ARMH3: variants seen among roughly 807,000 people sequenced by gnomAD.
The protein encoded by ARMH3 is armadillo like helical domain containing 3, also known as armadillo-like helical domain-containing protein 3.
A neutral mutation model predicts 99.1 loss-of-function variants in ARMH3; 60 were observed. The ratio of observed to expected loss-of-function variants is 0.61; its 90% confidence interval spans 0.49 to 0.75. The LOEUF is 0.75. Ranked by LOEUF, ARMH3 falls within the 30% of genes least tolerant of loss-of-function variation. The probability of loss-of-function intolerance (pLI) is 0.00; values close to 1 mark genes in which losing one functional copy is unlikely to be tolerated. For synonymous variants in ARMH3, 285 were observed against 292.8 expected (o/e 0.97, Z 0.27); for missense variants, 679 against 843.1 (o/e 0.81, Z 2.41).
At chr10:101,892,095 T>C (rs1564726603) in intron 23 of ARMH3, among the ~76,000 whole-genome samples, 1 of 151,516 alleles carries the variant, frequency 6.6e-6, no homozygotes, top group Non-Finnish European at 1.5e-5. Flanking sequence ...CTGGGTGACA[T>C]AGTGAAACCC....
intron 23 of ARMH3, among the ~76,000 whole-genome samples, chr10:101,919,154 C>A (rs1843203130): frequency 6.6e-6 from 1 of 152,138 alleles, no homozygotes; most frequent in Admixed American, 6.5e-5. Flanking sequence ...GGGGAGGGGG[C>A]ATATCAACGC....
chr10:102,032,431 C>T (rs937436972), intron 4 of ARMH3, among the ~76,000 whole-genome samples: 2 of 152,146 alleles, frequency 1.3e-5, no homozygotes, highest in African/African-American at 2.4e-5. Context: ...GATGGAGTCT[C>T]GCTCTGTTGC....
intron 23 of ARMH3, among the ~76,000 whole-genome samples, chr10:101,919,854 T>C (rs1241222031): frequency 6.6e-6 from 1 of 152,190 alleles, no homozygotes; most frequent in African/African-American, 2.4e-5. Context: ...TGGCTTAACG[T>C]AGATTCTTAT....
intron 20 of ARMH3, among the ~76,000 whole-genome samples, chr10:101,967,506 AG>A (rs1277705875): frequency 6.6e-6 from 1 of 152,188 alleles, no homozygotes; most frequent in Non-Finnish European, 1.5e-5. Flanking sequence ...TGGGAGGCCA[AG>A]GTAGGTGGAT....
At chr10:101,947,830 AATAAATAG>A in intron 22 of ARMH3, among the ~76,000 whole-genome samples, 1 of 148,766 alleles carries the variant, frequency 6.7e-6, no homozygotes, top group South Asian at 2.1e-4. Flanking sequence ...TAAATAAATA[AATAAATAG>A]ACCCTATATA....
intron 23 of ARMH3, among the ~76,000 whole-genome samples, chr10:101,936,249 T>G (rs1178675313): frequency 1.3e-5 from 2 of 151,894 alleles, no homozygotes; most frequent in African/African-American, 4.8e-5. Context: ...ATCCCAGCAC[T>G]TTGGGAGGCC....
chr10:101,893,407 G>A (rs770668050), intron 23 of ARMH3, among the ~76,000 whole-genome samples: 2 of 151,442 alleles, frequency 1.3e-5, no homozygotes, highest in African/African-American at 2.4e-5. Context: ...TTAAATTCCT[G>A]TCTCAACTGA....
chr10:102,035,545 A>G (rs1428311654), intron 2 of ARMH3, among the ~76,000 whole-genome samples: 1 of 151,968 alleles, frequency 6.6e-6, no homozygotes, highest in Non-Finnish European at 1.5e-5. Context: ...CTGCGATTGC[A>G]GGCGCGCGCT....
intron 23 of ARMH3, among the ~76,000 whole-genome samples, chr10:101,917,248 G>A (rs1041679447): frequency 1.3e-5 from 2 of 152,162 alleles, no homozygotes; most frequent in African/African-American, 4.8e-5. Context: ...GTGCCCATTT[G>A]TAATCAACCT....
At chr10:102,006,478 T>C in intron 14 of ARMH3, 62 bp downstream of exon 14, 2 of 1,542,324 alleles carry the variant, frequency 1.3e-6, no homozygotes, top group South Asian at 1.1e-5. Context: ...AACACAGCTA[T>C]GCTCACTCTG....
At chr10:101,928,559 C>G (rs1376562695) in intron 23 of ARMH3, among the ~76,000 whole-genome samples, 1 of 152,140 alleles carries the variant, frequency 6.6e-6, no homozygotes, top group Non-Finnish European at 1.5e-5. Context: ...GTCCCAGGTA[C>G]TTGGAAGGCT....
intron 20 of ARMH3, among the ~76,000 whole-genome samples, chr10:101,961,274 C>G (rs753896627): frequency 6.6e-6 from 1 of 152,022 alleles, no homozygotes; most frequent in Non-Finnish European, 1.5e-5. Context: ...CAGCTCTCAC[C>G]TCCACCTCTC....
At chr10:101,866,710 G>A (rs978567209) in intron 24 of ARMH3, among the ~76,000 whole-genome samples, 1 of 152,150 alleles carries the variant, frequency 6.6e-6, no homozygotes, top group Non-Finnish European at 1.5e-5. Flanking sequence ...AAAGCAAACA[G>A]GAAGGTGAAG....
At chr10:101,880,910 A>T (rs2067399333) in intron 24 of ARMH3, among the ~76,000 whole-genome samples, 1 of 152,156 alleles carries the variant, frequency 6.6e-6, no homozygotes, top group Non-Finnish European at 1.5e-5. Context: ...GCTAGGCATC[A>T]TTTGTATTTC....
chr10:101,901,566 C>T (rs544280223), intron 23 of ARMH3, among the ~76,000 whole-genome samples: 1 of 152,176 alleles, frequency 6.6e-6, no homozygotes, highest in Non-Finnish European at 1.5e-5. Flanking sequence ...CAGAGAGCTT[C>T]GCCCTTCTCG....
At chr10:102,009,079 T>C (rs906932246) in intron 13 of ARMH3, among the ~76,000 whole-genome samples, 4 of 152,198 alleles carry the variant, frequency 2.6e-5, no homozygotes, top group Admixed American at 6.5e-5. Context: ...TAGCGGATAA[T>C]ACCAGGGATT....
intron 23 of ARMH3, among the ~76,000 whole-genome samples, chr10:101,903,110 T>C (rs1244226626): frequency 6.6e-6 from 1 of 152,240 alleles, no homozygotes; most frequent in Non-Finnish European, 1.5e-5. Context: ...AGTTTTAAAG[T>C]AATTAAAGAA....
intron 20 of ARMH3, among the ~76,000 whole-genome samples, chr10:101,965,154 G>A (rs1845478957): frequency 6.6e-6 from 1 of 152,148 alleles, no homozygotes; most frequent in African/African-American, 2.4e-5. Context: ...GTTAAACATA[G>A]TTACAATGAT....
At chr10:102,037,618 G>A (rs1050271649) in intron 2 of ARMH3, among the ~76,000 whole-genome samples, 1 of 151,958 alleles carries the variant, frequency 6.6e-6, no homozygotes, top group Non-Finnish European at 1.5e-5. Flanking sequence ...CTGTCACCCA[G>A]GCTGGATGCA....
Sources: allele counts gnomAD v4.1 joint callset (sites outside exome capture counted in the v4.1 genomes callset), GRCh38; gene constraint gnomAD v4.1.1; transcripts MANE v1.5; gene names NCBI Gene and HGNC (gene_info 2026-07-23, HGNC 2026-07-21).